Variants in SMG1 observed in about 807,000 individuals in gnomAD.
SMG1 encodes SMG1 nonsense mediated mRNA decay associated PI3K related kinase, also known as serine/threonine-protein kinase SMG1.
A neutral mutation model predicts 419.9 loss-of-function variants in SMG1; 22 were observed. The ratio of observed to expected loss-of-function variants is 0.05; its 90% CI spans 0.04 to 0.07. SMG1 has a LOEUF of 0.07. Ranked by LOEUF, SMG1 falls within the 10% of genes least tolerant of loss-of-function variation. The pLI, the probability that SMG1 is intolerant of heterozygous loss-of-function variation, is 1.00. For missense variants in SMG1, 3,185 were observed against 4,342.0 expected (o/e 0.73, Z 7.49); for synonymous variants, 1,538 against 1,553.5 (o/e 0.99, Z 0.23).
At position 18,839,833 on chromosome 16, in the gene SMG1, C is replaced by T; in HGVS notation, c.6810G>A (p.Val2270=). 1 of 1,613,978 alleles carries T rather than the reference C, an allele frequency of 6.2e-7. No individual in the cohort carries two copies. The highest frequency in any genetic ancestry group is 1.3e-5 in the African/African-American group (1 of 75,040). The part of the protein sequence containing the change: ...ALKTVGLSLD[V]SRRDWPLHVM... ...CATGAAGAGGCCAATCCCGACGGGACACATCCAGGCTAAGCCCAACTGTTT... is the reference window on the plus strand; with the variant it reads ...CATGAAGAGGCCAATCCCGACGGGATACATCCAGGCTAAGCCCAACTGTTT... Residue 2270 remains valine, a synonymous_variant, in exon 42 of 63, where the codon GTG becomes GTA. Coordinates refer to ENST00000446231, the MANE Select transcript of SMG1 (RefSeq NM_015092.5).
At chr16:18,832,685 T>C (rs2033279952) in intron 51 of SMG1, among the ~76,000 whole-genome samples, 1 of 151,976 alleles carries the variant, frequency 6.6e-6, no homozygotes, top group Non-Finnish European at 1.5e-5. Flanking sequence ...TTTCATAGTG[T>C]TACTATAGAT....
At chr16:18,843,292 G>A (rs2034031142) in intron 39 of SMG1, among the ~76,000 whole-genome samples, 1 of 152,182 alleles carries the variant, frequency 6.6e-6, no homozygotes, top group African/African-American at 2.4e-5. Context: ...TAACAAAACT[G>A]AAGAAAAGAC....
At position 18,837,228 on chromosome 16, in the gene SMG1, A is replaced by T. The variant is rs375073802; in HGVS notation, c.7604+25T>A. On this transcript the variant is annotated intron_variant, in intron 46 of 62. Transcript: ENST00000446231. ...AAATTCTAATTAATGGCACATATTT[A>T]GAAGAATTCAACACTGTTTTAAACC... The T allele has an allele frequency of 3.0e-4, 478 of 1,567,500 alleles. 1 individual carries two copies. The African/African-American group carries it at 5.5e-3, about 18-fold the overall frequency.
intron 5 of SMG1, among the ~76,000 whole-genome samples, chr16:18,890,152 T>A (rs2036813281): frequency 6.6e-6 from 1 of 152,282 alleles, no homozygotes; most frequent in Admixed American, 6.5e-5. Context: ...GAGATTCTAA[T>A]AGCCAGAGAA....
At chr16:18,866,025 T>C (rs1381168278) in intron 23 of SMG1, 1 of 154,060 alleles carries the variant, frequency 6.5e-6, no homozygotes, top group Non-Finnish European at 1.4e-5. Flanking sequence ...CATGTGCCTA[T>C]GTACGCTGCT....
chr16:18,841,156 T>C (rs1369488727), intron 41 of SMG1, among the ~76,000 whole-genome samples: 2 of 152,128 alleles, frequency 1.3e-5, no homozygotes, highest in East Asian at 1.9e-4. Flanking sequence ...TCCCAGCATT[T>C]TGGGAGGCTG....
chr16:18,905,894 G>C (rs1432852573), intron 1 of SMG1, among the ~76,000 whole-genome samples: 1 of 152,092 alleles, frequency 6.6e-6, no homozygotes, highest in Admixed American at 6.6e-5. Flanking sequence ...TTACAGGCGT[G>C]AGGCAACATG....
intron 10 of SMG1, among the ~76,000 whole-genome samples, chr16:18,880,426 T>C (rs1396619163): frequency 6.6e-6 from 1 of 152,186 alleles, no homozygotes; most frequent in African/African-American, 2.4e-5. Flanking sequence ...AAAAGTATCC[T>C]TGGAGGTTAG....
chr16:18,898,021 T>C lies in SMG1; in HGVS notation c.93-1065A>G, dbSNP rs1412072585. 7.2e-5 allele frequency among the ~76,000 whole-genome samples: 11 copies of C among 152,236 alleles called. 1 individual carries two copies. The highest frequency in any genetic ancestry group is 7.2e-4 in the Admixed American group (11 of 15,284). On this transcript the variant is annotated intron_variant, in intron 1 of 62. Coordinates refer to ENST00000446231, the MANE Select transcript of SMG1 (RefSeq NM_015092.5). ...GCAAGGCCAGACACTAAGCTATTCC[T>C]CTATGCTTTGCCCCTCCCTCTATGG...
chr16:18,856,932 C>T (rs1049424225), intron 29 of SMG1: 1 of 151,650 alleles, frequency 6.6e-6, no homozygotes, highest in African/African-American at 2.4e-5. Context: ...TTATATGACA[C>T]GCTCTGTGCT....
chr16:18,902,077 G>A (rs1422086992), intron 1 of SMG1, among the ~76,000 whole-genome samples: 2 of 152,070 alleles, frequency 1.3e-5, no homozygotes, highest in African/African-American at 2.4e-5. Flanking sequence ...GACCTCCAGT[G>A]GGGCTGGAGA....
chr16:18,854,683 C>T lies in SMG1; in HGVS notation c.4456G>A (p.Glu1486Lys). Residue 1486 changes from glutamate (E) to lysine (K), a missense_variant, in exon 30 of 63, where the codon GAA (glutamate) becomes AAA (lysine). Glu to Lys is a moderately conservative substitution (Grantham distance 56). Transcript: ENST00000446231. ...DEKWGPELDI[E>K]KTKLLYTAGQ... ...GCTGTATAAAGCAATTTGGTTTTTT[C>T]AATATCAAGTTCGGGCCCCCATTTT... 1 of 1,612,680 alleles carries T rather than the reference C, an allele frequency of 6.2e-7. No individual in the cohort carries two copies. The highest frequency in any genetic ancestry group is 8.5e-7 in the Non-Finnish European group (1 of 1,179,538).
At position 18,829,591 on chromosome 16, in the gene SMG1, G is replaced by T. The variant is rs773582993; in HGVS notation, c.9298C>A (p.Gln3100Lys). 1.9e-6 allele frequency: 3 copies of T among 1,613,990 alleles called. No homozygotes were observed. Among genetic ancestry groups the T allele is most frequent in the Non-Finnish European group, 2.5e-6 (3 of 1,179,872 alleles). Reference sequence around the variant, plus strand: ...CTGCACAGTGTGAGTCCGAGGGCTTGGTTGGGTAGCCCTATCAAGAGCTGC... The same window carrying T: ...CTGCACAGTGTGAGTCCGAGGGCTTTGTTGGGTAGCCCTATCAAGAGCTGC... ...VRQLLIGLPN[Q>K]ALGLTLCSFI... Residue 3100 changes from glutamine (Q) to lysine (K), a missense_variant, in exon 54 of 63, where the codon CAA (glutamine) becomes AAA (lysine). By Grantham distance (53) the Gln-to-Lys change is moderately conservative. This residue lies in a region of SMG1 where 737 missense variants were observed against 846.6 expected (regional missense o/e 0.87). Coordinates refer to ENST00000446231, the MANE Select transcript of SMG1 (RefSeq NM_015092.5).
intron 20 of SMG1, 127 bp downstream of exon 20, chr16:18,868,977 T>C (rs1337645733): frequency 4.9e-6 from 4 of 822,384 alleles, no homozygotes; most frequent in Non-Finnish European, 7.7e-6. Flanking sequence ...CTAACAAACA[T>C]ACCTGAAAAT....
intron 23 of SMG1, among the ~76,000 whole-genome samples, chr16:18,864,816 C>T (rs530397892): frequency 6.6e-6 from 1 of 152,190 alleles, no homozygotes; most frequent in East Asian, 1.9e-4. Flanking sequence ...TCTCATTTCC[C>T]CCCTCCCACA....
At chr16:18,833,425 G>A (rs2033343189) in intron 50 of SMG1, among the ~76,000 whole-genome samples, 1 of 151,832 alleles carries the variant, frequency 6.6e-6, no homozygotes, top group African/African-American at 2.4e-5. Context: ...ACATTCCTAG[G>A]ATGATGTACC....
At chr16:18,925,916 G>A (rs769926450) in intron 1 of SMG1, 34 bp downstream of exon 1, 10 of 1,478,506 alleles carry the variant, frequency 6.8e-6, no homozygotes, top group Non-Finnish European at 8.2e-6. Flanking sequence ...CGGAGCCCGG[G>A]AGGTCGGGGC....
At position 18,808,466 on chromosome 16, in the gene SMG1, TATC is replaced by T. The variant is rs1258143103; in HGVS notation, c.*1100_*1102del. Reference sequence around the variant, plus strand: ...CCAGAACATCACTTTATTGTTAATCTATCATCAACAATGTAAAACTCTAATAGA... The same window carrying T: ...CCAGAACATCACTTTATTGTTAATCTATCAACAATGTAAAACTCTAATAGA... On this transcript the variant is annotated 3_prime_UTR_variant, in exon 63 of 63. Coordinates refer to ENST00000446231, the MANE Select transcript of SMG1 (RefSeq NM_015092.5). 6 of 152,230 alleles carry T rather than the reference TATC, an allele frequency of 3.9e-5. No homozygotes were observed. Among genetic ancestry groups the T allele is most frequent in the African/African-American group, 1.4e-4 (6 of 41,470 alleles). 9.4% of individuals were successfully genotyped at this position (152,230 alleles called of 1,614,324 possible).
chr16:18,907,076 G>A (rs1185902683), intron 1 of SMG1, among the ~76,000 whole-genome samples: 2 of 152,124 alleles, frequency 1.3e-5, no homozygotes, highest in African/African-American at 4.8e-5. Context: ...TTGAGGTCAG[G>A]AGTTCAAGAT....
Sources: allele counts gnomAD v4.1 joint callset (sites outside exome capture counted in the v4.1 genomes callset), GRCh38; gene constraint gnomAD v4.1.1; regional missense constraint gnomAD v4.1.1; transcripts MANE v1.5; gene names NCBI Gene and HGNC (gene_info 2026-07-23, HGNC 2026-07-21).